The following ZNF892 variants were observed in gnomAD, a reference collection of about 807,000 sequenced individuals.
ZNF892 encodes the protein zinc finger protein 892.
the ZNF892 span, among the ~76,000 whole-genome samples, chr2:95,235,047 C>T: frequency 4.6e-5 from 7 of 152,198 alleles, no homozygotes; most frequent in Admixed American, 2.0e-4. Flanking sequence ...AGCTGGTGTC[C>T]GCTGCACAAC....
At chr2:95,216,729 A>C in the ZNF892 span, among the ~76,000 whole-genome samples, 1 of 152,004 alleles carries the variant, frequency 6.6e-6, no homozygotes, top group Admixed American at 6.5e-5. Flanking sequence ...AATTTCTTTT[A>C]GTTTACCCTG....
At chr2:95,262,219 A>G in the ZNF892 span, among the ~76,000 whole-genome samples, 3 of 152,200 alleles carry the variant, frequency 2.0e-5, no homozygotes, top group Non-Finnish European at 2.9e-5. Flanking sequence ...GAGAACAGCC[A>G]CACTTTCTGA....
the ZNF892 span, among the ~76,000 whole-genome samples, chr2:95,218,315 A>G: frequency 6.6e-6 from 1 of 152,232 alleles, no homozygotes; most frequent in African/African-American, 2.4e-5. Context: ...TACAAGCACT[A>G]AGGGGACCCA....
the ZNF892 span, among the ~76,000 whole-genome samples, chr2:95,219,227 C>T: frequency 1.5e-4 from 23 of 151,056 alleles, no homozygotes; most frequent in African/African-American, 4.6e-4. Flanking sequence ...AGGGTGGTCT[C>T]GATCTCCTGA....
At chr2:95,215,437 C>T in the ZNF892 span, 2 of 442,094 alleles carry the variant, frequency 4.5e-6, no homozygotes, top group Non-Finnish European at 8.1e-6. Context: ...AAAACTCACA[C>T]TGGAGAAAAG....
At chr2:95,248,280 A>C in the ZNF892 span, among the ~76,000 whole-genome samples, 1 of 152,190 alleles carries the variant, frequency 6.6e-6, no homozygotes, top group Non-Finnish European at 1.5e-5. Context: ...TGGGAGTTAA[A>C]CACTGGGTAC....
chr2:95,234,805 A>T, the ZNF892 span, among the ~76,000 whole-genome samples: 2 of 152,274 alleles, frequency 1.3e-5, no homozygotes, highest in African/African-American at 4.8e-5. Context: ...TGGTAAACAG[A>T]AGTGTTTCTC....
chr2:95,232,212 A>AC, the ZNF892 span: 1 of 152,060 alleles, frequency 6.6e-6, no homozygotes, highest in East Asian at 1.9e-4. Context: ...TTTCGATTTT[A>AC]CCGGGGGGCC....
chr2:95,250,564 T>C, the ZNF892 span, among the ~76,000 whole-genome samples: 4 of 146,270 alleles, frequency 2.7e-5, no homozygotes, highest in Non-Finnish European at 4.5e-5. Flanking sequence ...TCATAAATTA[T>C]TTATAAATTT....
the ZNF892 span, among the ~76,000 whole-genome samples, chr2:95,255,522 G>A: frequency 2.0e-5 from 3 of 152,070 alleles, no homozygotes; most frequent in Non-Finnish European, 2.9e-5. Context: ...TTTGGAATAG[G>A]TGTGGTGTGG....
chr2:95,234,847 G>A, the ZNF892 span, among the ~76,000 whole-genome samples: 8 of 152,310 alleles, frequency 5.3e-5, no homozygotes, highest in Non-Finnish European at 8.8e-5. Flanking sequence ...TTTTATTATC[G>A]TAATTTGCTG....
At chr2:95,243,422 C>T in the ZNF892 span, among the ~76,000 whole-genome samples, 17 of 151,520 alleles carry the variant, frequency 1.1e-4, no homozygotes, top group African/African-American at 2.7e-4. Context: ...TCTTCCCGGC[C>T]GCCATCCCAT....
the ZNF892 span, chr2:95,208,671 C>T: frequency 7.5e-6 from 3 of 398,476 alleles, no homozygotes; most frequent in Admixed American, 4.4e-5. Context: ...GGACTCAGAC[C>T]TTCTCCATGC....
At chr2:95,244,309 C>T in the ZNF892 span, among the ~76,000 whole-genome samples, 2 of 150,006 alleles carry the variant, frequency 1.3e-5, no homozygotes, top group Admixed American at 6.6e-5. Context: ...CCAAATCCCC[C>T]TCTGCGAGAA....
the ZNF892 span, among the ~76,000 whole-genome samples, chr2:95,210,286 G>T: frequency 6.6e-6 from 1 of 151,036 alleles, no homozygotes; most frequent in Non-Finnish European, 1.5e-5. Flanking sequence ...TATTCAAGGG[G>T]CTCTGGCCCA....
the ZNF892 span, among the ~76,000 whole-genome samples, chr2:95,226,130 C>T: frequency 2.0e-5 from 3 of 152,234 alleles, no homozygotes; most frequent in Admixed American, 2.0e-4. Flanking sequence ...TTCCACTGGG[C>T]ATTGCCTTAG....
the ZNF892 span, among the ~76,000 whole-genome samples, chr2:95,257,689 G>A: frequency 6.6e-6 from 1 of 152,242 alleles, no homozygotes; most frequent in Non-Finnish European, 1.5e-5. Context: ...AGGCAGGCAG[G>A]CCTCCTTGAG....
the ZNF892 span, among the ~76,000 whole-genome samples, chr2:95,250,672 TAAATATAAA>T: frequency 2.4e-4 from 34 of 140,356 alleles, no homozygotes; most frequent in East Asian, 2.0e-3. Context: ...TATAAATTTA[TAAATATAAA>T]CTATTCATAA....
At chr2:95,208,748 T>C in the ZNF892 span, 6 of 398,558 alleles carry the variant, frequency 1.5e-5, no homozygotes, top group Non-Finnish European at 8.8e-6. Flanking sequence ...TAAGTTTAGA[T>C]TTCTTCTTTC....
Sources: gnomAD v4.1 joint callset for allele counts (sites outside exome capture counted in the v4.1 genomes callset) on GRCh38, gnomAD v4.1.1 for gene constraint, MANE v1.5 for transcripts, NCBI Gene and HGNC (gene_info 2026-07-23, HGNC 2026-07-21) for gene names.